The following COL4A5 variants were observed in gnomAD, a reference collection of about 807,000 sequenced individuals.
The protein encoded by COL4A5 is collagen alpha-5(IV) chain.
Under a neutral mutation model 130.2 loss-of-function variants are expected in COL4A5, and 26 were observed. The ratio of observed to expected loss-of-function variants is 0.20; its 90% CI spans 0.15 to 0.28. The LOEUF is 0.28. Among genes scored for constraint, COL4A5 ranks in the 10% least tolerant of loss-of-function variants. COL4A5 has a pLI of 1.00. For synonymous variants in COL4A5, 496 were observed against 439.6 expected (o/e 1.13, Z -1.60); for missense variants, 1,131 against 1,344.3 (o/e 0.84, Z 2.48).
intron 35 of COL4A5, 58 bp downstream of exon 35, chrX:108,625,852 C>T (rs1157551166): frequency 4.5e-6 from 4 of 893,544 alleles, no homozygotes; most frequent in Admixed American, 4.6e-5. Context: ...GGTTCAATAT[C>T]TCTTTTTTTG....
intron 1 of COL4A5, among the ~76,000 whole-genome samples, chrX:108,512,413 T>G (rs1285001440): frequency 8.9e-6 from 1 of 112,567 alleles, no homozygotes; most frequent in East Asian, 2.8e-4. Context: ...TAGGTACTTT[T>G]TTATGTAAGA....
intron 1 of COL4A5, among the ~76,000 whole-genome samples, chrX:108,505,675 C>T (rs1297012701): frequency 1.8e-5 from 2 of 112,079 alleles, no homozygotes; most frequent in Non-Finnish European, 3.8e-5. Flanking sequence ...AGAGACCCCT[C>T]ACCAGAAATC....
At chrX:108,622,538 T>C (rs1311632318) in intron 32 of COL4A5, 138 bp from the exon 33 acceptor site, 1 of 597,505 alleles carries the variant, frequency 1.7e-6, no homozygotes, top group Non-Finnish European at 2.8e-6. Context: ...AAGTAATTCA[T>C]AGAGTACATC....
intron 30 of COL4A5, among the ~76,000 whole-genome samples, chrX:108,616,919 G>A (rs909138292): frequency 9.1e-6 from 1 of 109,668 alleles, no homozygotes; most frequent in African/African-American, 3.3e-5. Context: ...AATAGGATGG[G>A]CAGGAAGAAA....
At chrX:108,687,720 T>C (rs375694952) in intron 49 of COL4A5, 26 bp downstream of exon 49, 247 of 1,175,293 alleles carry the variant, frequency 2.1e-4, no homozygotes, top group Non-Finnish European at 2.8e-4. Flanking sequence ...TCTAATTTCC[T>C]ACTGTGCCTT....
chrX:108,685,338 C>A (rs966221563), intron 47 of COL4A5, among the ~76,000 whole-genome samples: 3 of 112,166 alleles, frequency 2.7e-5, no homozygotes, highest in African/African-American at 9.7e-5. Flanking sequence ...AATACCAGAC[C>A]ACCACAAGTT....
At chrX:108,683,696 G>A (rs772195235) in intron 47 of COL4A5, among the ~76,000 whole-genome samples, 6 of 111,442 alleles carry the variant, frequency 5.4e-5, no homozygotes, top group South Asian at 3.8e-4. Flanking sequence ...CTCTCTGTTT[G>A]TCTATTATTG....
At chrX:108,643,675 C>T (rs192180251) in intron 36 of COL4A5, among the ~76,000 whole-genome samples, 7 of 111,655 alleles carry the variant, frequency 6.3e-5, no homozygotes, top group African/African-American at 2.0e-4. Context: ...TGAGAGAATT[C>T]GCCACTACCA....
chrX:108,644,345 CA>C (rs1427992632), intron 36 of COL4A5, among the ~76,000 whole-genome samples: 3 of 111,868 alleles, frequency 2.7e-5, no homozygotes, highest in African/African-American at 9.8e-5. Flanking sequence ...AGAAAGTCAA[CA>C]AAGAAACAAT....
intron 1 of COL4A5, among the ~76,000 whole-genome samples, chrX:108,522,372 A>C (rs764899183): frequency 2.6e-4 from 28 of 106,012 alleles, no homozygotes; most frequent in Non-Finnish European, 4.8e-4. Context: ...GACTTTTATA[A>C]AGTGGTTACT....
chrX:108,695,742 C>T lies in COL4A5; in HGVS notation c.4994+303C>T, dbSNP rs1853580274. Reference sequence around the variant, plus strand: ...CAGCTGTTCAACTAGATTGAGACCACCCCAGGAATTGAAGTTACAGTCTGT... The same window carrying T: ...CAGCTGTTCAACTAGATTGAGACCATCCCAGGAATTGAAGTTACAGTCTGT... On this transcript the variant is annotated intron_variant, in intron 52 of 52. Coordinates refer to ENST00000328300, the MANE Select transcript of COL4A5 (RefSeq NM_033380.3). The T allele has an allele frequency of 9.9e-6, 3 of 301,606 alleles. No individual in the cohort carries two copies. The South Asian group carries it at 1.1e-4, about 12-fold the overall frequency. The allele number at this position is 301,606 out of a possible 1,213,427, so 24.9% of individuals were successfully genotyped here. A position where few individuals can be genotyped will look rare whatever the true frequency, so the allele number is the denominator to read the frequency against.
At chrX:108,451,092 G>A (rs781586873) in intron 1 of COL4A5, among the ~76,000 whole-genome samples, 5 of 108,480 alleles carry the variant, frequency 4.6e-5, no homozygotes, top group African/African-American at 1.7e-4. Flanking sequence ...AGAACATGCG[G>A]TGTTTGATTT....
In COL4A5 at chrX:108,621,789, G is replaced by A; in HGVS notation, c.2678-14G>A. ...CAAAGAAAGGCAAACATTACTTATT[G>A]ATATTCTTCAAAGGTACCAAAGGTG... On this transcript the variant is annotated splice_polypyrimidine_tract_variant and intron_variant, in intron 31 of 52. Transcript: ENST00000328300. 2 of 1,163,407 alleles carry A rather than the reference G, an allele frequency of 1.7e-6. No homozygotes were observed. Among genetic ancestry groups the A allele is most frequent in the Non-Finnish European group, 2.3e-6 (2 of 852,296 alleles).
rs772145519 is a variant in COL4A5 at position 108,622,858 on chromosome X, CCTGATATAT to C, written c.2917+38_2917+46del. The C allele has an allele frequency of 1.4e-3, 1,603 of 1,161,737 alleles. 16 individuals carry two copies. In the African/African-American group the frequency reaches 0.025, roughly 18 times the overall value. On this transcript the variant is annotated intron_variant, in intron 33 of 52. Coordinates refer to ENST00000328300, the MANE Select transcript of COL4A5 (RefSeq NM_033380.3). ...AATGAATTTATTTATGAATATTTTT[CCTGATATAT>C]CTGAAGTTTAATTTTTAAATAGCAT...
intron 13 of COL4A5, among the ~76,000 whole-genome samples, chrX:108,578,959 T>C (rs1463538506): frequency 1.8e-5 from 2 of 111,752 alleles, no homozygotes; most frequent in Non-Finnish European, 3.8e-5. Context: ...ATTTCAGGCA[T>C]AAGCCACCAT....
chrX:108,600,642 TTAGATAGATAGATAGATAGATAGA>T (rs138215716), intron 25 of COL4A5, among the ~76,000 whole-genome samples: 19 of 96,739 alleles, frequency 2.0e-4, no homozygotes, highest in African/African-American at 7.2e-4. Flanking sequence ...GATGGGTAGA[TTAGATAGATAGATAGATAGATAGA>T]TAGATAGATA....
At chrX:108,610,044 G>A (rs1284867693) in intron 29 of COL4A5, among the ~76,000 whole-genome samples, 1 of 108,034 alleles carries the variant, frequency 9.3e-6, no homozygotes, top group Non-Finnish European at 1.9e-5. Flanking sequence ...TAAATTGTAT[G>A]TCTCTTACTG....
At chrX:108,573,800 A>G (rs2066103515) in intron 9 of COL4A5, 146 bp downstream of exon 9, 3 of 474,481 alleles carry the variant, frequency 6.3e-6, no homozygotes, top group Non-Finnish European at 1.1e-5. Flanking sequence ...CTACCTGAAA[A>G]TAAAAGCAAT....
At chrX:108,683,392 A>G (rs1158986470) in intron 47 of COL4A5, among the ~76,000 whole-genome samples, 2 of 111,505 alleles carry the variant, frequency 1.8e-5, no homozygotes, top group African/African-American at 3.3e-5. Context: ...TTTTAATTCC[A>G]TATGAAATTT....
Sources: allele counts gnomAD v4.1 joint callset (sites outside exome capture counted in the v4.1 genomes callset), GRCh38; gene constraint gnomAD v4.1.1; transcripts MANE v1.5; gene names NCBI Gene and HGNC (gene_info 2026-07-23, HGNC 2026-07-21).